Variants in DNASE1L3 observed in about 807,000 individuals in gnomAD.
DNASE1L3 encodes deoxyribonuclease gamma.
In DNASE1L3, 27 loss-of-function variants were observed where a neutral mutation model predicts 30.9. The ratio of observed to expected loss-of-function variants is 0.87; its 90% CI spans 0.64 to 1.20. The LOEUF (loss-of-function observed/expected upper bound fraction) is 1.20. Among genes scored for constraint, DNASE1L3 ranks in the 50% most tolerant of loss-of-function variants. The pLI is 0.00. For synonymous variants in DNASE1L3, 135 were observed against 138.0 expected, an observed-to-expected ratio of 0.98 and a Z score of 0.15; for missense variants, 364 against 378.2, an observed-to-expected ratio of 0.96 and a Z score of 0.31.
chr3:58,201,715 G>A (rs1033596205), intron 4 of DNASE1L3, among the ~76,000 whole-genome samples: 1 of 152,206 alleles, frequency 6.6e-6, no homozygotes, highest in African/African-American at 2.4e-5. Context: ...TTAGCCAGTC[G>A]GGTTAGCTTA....
chr3:58,206,421 GC>G (rs2097403940), intron 2 of DNASE1L3, among the ~76,000 whole-genome samples: 1 of 152,150 alleles, frequency 6.6e-6, no homozygotes, highest in South Asian at 2.1e-4. Context: ...AGCCCCTGGG[GC>G]CCCAGGAGTG....
chr3:58,202,867 G>A (rs890706297), intron 4 of DNASE1L3, among the ~76,000 whole-genome samples: 21 of 150,138 alleles, frequency 1.4e-4, no homozygotes, highest in Non-Finnish European at 2.7e-4. Context: ...AAAAAAAAAT[G>A]AGGCTTGTCA....
intron 4 of DNASE1L3, 60 bp downstream of exon 4, chr3:58,204,709 T>C: frequency 6.9e-7 from 1 of 1,443,214 alleles, no homozygotes. Flanking sequence ...TGCTCAAGGC[T>C]GCTGCGCATT....
rs755344133 is a variant in DNASE1L3 at position 58,197,972 on chromosome 3, T to C, written c.553A>G (p.Ile185Val). Reference sequence around the variant, plus strand: ...CCGGCATTGAAGTCACCCATGAAAATGAAATTCTAAAAGACAAGATTTGGA... The same window carrying C: ...CCGGCATTGAAGTCACCCATGAAAACGAAATTCTAAAAGACAAGATTTGGA... ...VKHRWKAENF[I>V]FMGDFNAGCS... is the part of the protein sequence containing the mutation. Residue 185 changes from isoleucine (I) to valine (V), a missense_variant, in exon 6 of 8, where the codon ATT becomes GTT. Ile to Val is a conservative substitution (Grantham distance 29, BLOSUM62 3). Coordinates refer to ENST00000394549, the MANE Select transcript of DNASE1L3 (RefSeq NM_004944.4). The surrounding 1 kb of genome is among the most constrained non-coding windows in gnomAD (Gnocchi z 5.3). The C allele has an allele frequency of 1.9e-6, 3 of 1,609,060 alleles. No homozygotes were observed. The South Asian group carries it at 3.3e-5, about 18-fold the overall frequency.
intron 1 of DNASE1L3, among the ~76,000 whole-genome samples, chr3:58,209,248 A>G (rs146567929): frequency 1.3e-5 from 2 of 152,262 alleles, no homozygotes; most frequent in African/African-American, 2.4e-5. Context: ...CAGCCTTGAC[A>G]AGGACTTCGG....
At chr3:58,193,530 C>A (rs1409244586) in intron 6 of DNASE1L3, 91 bp from the exon 7 acceptor site, 4 of 1,167,354 alleles carry the variant, frequency 3.4e-6, no homozygotes, top group South Asian at 2.8e-5. Context: ...TGGAATTAAC[C>A]GAGCAGTCTG....
At chr3:58,201,522 A>T (rs2097400533) in intron 4 of DNASE1L3, among the ~76,000 whole-genome samples, 1 of 152,346 alleles carries the variant, frequency 6.6e-6, no homozygotes, top group South Asian at 2.1e-4. Flanking sequence ...GCTGTTAGAC[A>T]TGCTCACAGG....
chr3:58,203,922 G>A (rs186263552), intron 4 of DNASE1L3, among the ~76,000 whole-genome samples: 108 of 152,302 alleles, frequency 7.1e-4, no homozygotes, highest in Non-Finnish European at 1.2e-3. Flanking sequence ...TTCCTGAAAT[G>A]TAAAGTGGAG....
intron 2 of DNASE1L3, among the ~76,000 whole-genome samples, chr3:58,207,415 C>A (rs1346526524): frequency 1.3e-5 from 2 of 148,772 alleles, no homozygotes; most frequent in Non-Finnish European, 3.0e-5. Flanking sequence ...CTTCACTAAC[C>A]CCTTTCACCA....
intron 1 of DNASE1L3, among the ~76,000 whole-genome samples, chr3:58,210,124 A>T (rs2097406691): frequency 6.6e-6 from 1 of 151,848 alleles, no homozygotes; most frequent in South Asian, 2.1e-4. Flanking sequence ...GGGAGAGAGA[A>T]GGAAGGAAGG....
At chr3:58,198,080 C>A in intron 5 of DNASE1L3, 102 bp from the exon 6 acceptor site, 1 of 1,347,804 alleles carries the variant, frequency 7.4e-7, no homozygotes, top group Non-Finnish European at 1.0e-6. Flanking sequence ...CAGTAAACAA[C>A]AGGGTCTGTT....
Position 58,197,833 on chromosome 3 carries a change from C to G in DNASE1L3, c.692G>C (p.Cys231Ser), listed in dbSNP as rs748101786. 6 of 1,614,040 alleles carry G rather than the reference C, an allele frequency of 3.7e-6. No individual in the cohort carries two copies. Among genetic ancestry groups the G allele is most frequent in the Non-Finnish European group, 5.1e-6 (6 of 1,180,034 alleles). The part of the protein sequence containing the change: ...EDTTVKKSTN[C>S]AYDRIVLRGQ... ...CAGGGCCTCCTACCTGTCATATGCA[C>G]AGTTGGTGCTCTTCTTCACCGTGGT... is the stretch of plus-strand genomic sequence containing the variant. The change falls in exon 6 of 8, where the codon TGT (cysteine) becomes TCT (serine). Residue 231 changes from cysteine to serine, a missense_variant. By Grantham distance (112) the Cys-to-Ser change is moderately radical. Coordinates refer to ENST00000394549, the MANE Select transcript of DNASE1L3 (RefSeq NM_004944.4). The surrounding 1 kb of genome is among the most constrained non-coding windows in gnomAD (Gnocchi z 5.3).
At chr3:58,207,513 T>C (rs1259073338) in intron 2 of DNASE1L3, among the ~76,000 whole-genome samples, 2 of 142,502 alleles carry the variant, frequency 1.4e-5, no homozygotes, top group Non-Finnish European at 3.0e-5. Context: ...TTCATCTCTA[T>C]GCACATGGAA....
At chr3:58,210,235 GAAGAAAGAAAAAGA>G (rs2107384380) in intron 1 of DNASE1L3, among the ~76,000 whole-genome samples, 1 of 59,990 alleles carries the variant, frequency 1.7e-5, no homozygotes, top group South Asian at 3.9e-4. Flanking sequence ...AAAGAAAAAG[GAAGAAAGAAAAAGA>G]AAGAAAGAAA....
At chr3:58,207,346 T>G (rs1177772413) in intron 2 of DNASE1L3, among the ~76,000 whole-genome samples, 1 of 151,874 alleles carries the variant, frequency 6.6e-6, no homozygotes, top group African/African-American at 2.4e-5. Context: ...CATACCAGCC[T>G]GGGCAACAGA....
chr3:58,210,850 C>T lies in DNASE1L3; in HGVS notation c.57G>A (p.Leu19=). The change falls in exon 1 of 8, where the codon CTG becomes CTA. Residue 19 remains leucine, a synonymous_variant. Coordinates refer to ENST00000394549, the MANE Select transcript of DNASE1L3 (RefSeq NM_004944.4). Reference sequence around the variant, plus strand: ...CGTTGAAGGAGCAGATCCTCATGGCCAGGGCGCTGTGGATGGAGAGGAGGA... The same window carrying T: ...CGTTGAAGGAGCAGATCCTCATGGCTAGGGCGCTGTGGATGGAGAGGAGGA... ...LLLLLSIHSA[L]AMRICSFNVR... 6.2e-7 allele frequency: 1 copy of T among 1,614,116 alleles called. No homozygotes were observed. Among genetic ancestry groups the T allele is most frequent in the Non-Finnish European group, 8.5e-7 (1 of 1,180,042 alleles).
At chr3:58,207,154 T>A (rs560361254) in intron 2 of DNASE1L3, among the ~76,000 whole-genome samples, 39 of 152,212 alleles carry the variant, frequency 2.6e-4, no homozygotes, top group African/African-American at 9.4e-4. Flanking sequence ...GCAGATCACT[T>A]GAGGTCAGGA....
intron 4 of DNASE1L3, among the ~76,000 whole-genome samples, chr3:58,201,930 AGG>A (rs1209971566): frequency 6.6e-6 from 1 of 152,232 alleles, no homozygotes; most frequent in African/African-American, 2.4e-5. Flanking sequence ...TTGCAGTACC[AGG>A]GAACAAGCAT....
At chr3:58,196,844 G>T (rs186673759) in intron 6 of DNASE1L3, among the ~76,000 whole-genome samples, 347 of 152,290 alleles carry the variant, frequency 2.3e-3, no homozygotes, top group Non-Finnish European at 3.7e-3. Context: ...GGGAATGCTA[G>T]GACTTAAATG....
Sources: gnomAD v4.1 joint callset for allele counts (sites outside exome capture counted in the v4.1 genomes callset) on GRCh38, gnomAD v4.1.1 for gene constraint, Gnocchi (gnomAD v3.1) non-coding constraint, MANE v1.5 for transcripts, NCBI Gene and HGNC (gene_info 2026-07-23, HGNC 2026-07-21) for gene names.